Variants in FRMD5 observed in about 807,000 individuals in gnomAD.
FRMD5 encodes FERM domain containing 5, also known as FERM domain-containing protein 5.
A neutral mutation model predicts 69.0 loss-of-function variants in FRMD5; 20 were observed. The observed-to-expected ratio is 0.29, with a 90% CI of 0.20 to 0.42. The LOEUF (loss-of-function observed/expected upper bound fraction) is 0.42. Among genes scored for constraint, FRMD5 ranks in the 10% least tolerant of loss-of-function variants. The pLI, the probability that FRMD5 is intolerant of heterozygous loss-of-function variation, is 1.00. For synonymous variants in FRMD5, 271 were observed against 260.1 expected, an observed-to-expected ratio of 1.04 and a Z score of -0.40; for missense variants, 595 against 708.6, an observed-to-expected ratio of 0.84 and a Z score of 1.82.
At chr15:44,182,015 T>G (rs1394859274) in intron 1 of FRMD5, among the ~76,000 whole-genome samples, 1 of 98,514 alleles carries the variant, frequency 1.0e-5, no homozygotes, top group Non-Finnish European at 1.8e-5. Flanking sequence ...TTACATTTGC[T>G]TTTTTTTTTT....
intron 1 of FRMD5, among the ~76,000 whole-genome samples, chr15:44,013,057 C>T (rs553046233): frequency 8.5e-5 from 13 of 152,170 alleles, no homozygotes; most frequent in South Asian, 6.2e-4. Context: ...TGAGCCATTG[C>T]GCCCCGCCTA....
chr15:44,020,107 T>A (rs1211223351), intron 1 of FRMD5, among the ~76,000 whole-genome samples: 2 of 152,108 alleles, frequency 1.3e-5, no homozygotes, highest in African/African-American at 4.8e-5. Flanking sequence ...GTAAATACAT[T>A]CAGTATATGG....
chr15:44,090,706 C>G (rs1030996062), intron 1 of FRMD5, among the ~76,000 whole-genome samples: 2 of 152,154 alleles, frequency 1.3e-5, no homozygotes, highest in Non-Finnish European at 2.9e-5. Flanking sequence ...TCCCAAAGTG[C>G]TGGGATTATA....
intron 1 of FRMD5, among the ~76,000 whole-genome samples, chr15:43,969,634 A>G (rs1286270502): frequency 2.0e-5 from 3 of 152,226 alleles, no homozygotes; most frequent in Non-Finnish European, 4.4e-5. Context: ...CATACACTCA[A>G]AAAGACTGGA....
Position 43,873,126 on chromosome 15 carries a change from C to T in FRMD5, c.*759G>A. On this transcript the variant is annotated 3_prime_UTR_variant, in exon 14 of 14. Transcript: ENST00000417257. The stretch of plus-strand genomic sequence containing the variant: ...TTAAGTCTAGTTTCATTATACAAAA[C>T]TATGGTGATGCCCACTAGGCTCTAG... The T allele has an allele frequency of 6.7e-7, 1 of 1,498,670 alleles. No individual in the cohort carries two copies. Among genetic ancestry groups the T allele is most frequent in the Non-Finnish European group, 9.1e-7 (1 of 1,104,378 alleles). The allele number at this position is 1,498,670 out of a possible 1,614,324, so 92.8% of individuals were successfully genotyped here.
intron 2 of FRMD5, among the ~76,000 whole-genome samples, chr15:43,920,101 T>A (rs915842811): frequency 6.6e-6 from 1 of 152,244 alleles, no homozygotes; most frequent in Admixed American, 6.5e-5. Flanking sequence ...GTTTTTGGCA[T>A]GCGATTAAGG....
At chr15:43,950,815 GGCTGTTTA>G (rs1395924829) in intron 1 of FRMD5, among the ~76,000 whole-genome samples, 1 of 152,192 alleles carries the variant, frequency 6.6e-6, no homozygotes, top group Non-Finnish European at 1.5e-5. Flanking sequence ...CGGAGAGGCT[GGCTGTTTA>G]ACAGTTGAAT....
chr15:44,087,034 T>C (rs558001413), intron 1 of FRMD5, among the ~76,000 whole-genome samples: 5 of 152,210 alleles, frequency 3.3e-5, no homozygotes, highest in South Asian at 4.1e-4. Context: ...CCCTTACCAG[T>C]GTTTTTTTGT....
chr15:44,051,760 T>C (rs1892677211), intron 1 of FRMD5, among the ~76,000 whole-genome samples: 1 of 152,166 alleles, frequency 6.6e-6, no homozygotes, highest in African/African-American at 2.4e-5. Flanking sequence ...GTAGAATGTC[T>C]CTCAGTGGGG....
At chr15:43,934,907 T>C (rs28706414) in intron 1 of FRMD5, among the ~76,000 whole-genome samples, 16,102 of 152,166 alleles carry the variant, frequency 0.11, 1,285 homozygotes, top group East Asian at 0.23. Context: ...GGAATAAAGA[T>C]TTATTTGTAT....
Position 43,873,916 on chromosome 15 carries a change from C to G in FRMD5, c.1682G>C (p.Arg561Pro). 6.2e-7 allele frequency: 1 copy of G among 1,614,092 alleles called. No individual in the cohort carries two copies. Among genetic ancestry groups the G allele is most frequent in the Non-Finnish European group, 8.5e-7 (1 of 1,180,014 alleles). The change falls in exon 14 of 14, where the codon CGC becomes CCC. Residue 561 changes from arginine (R) to proline (P), a missense_variant. By Grantham distance (103) the Arg-to-Pro change is moderately radical. Around this residue, in one of 5 missense-constraint regions of FRMD5, gnomAD observed 245 missense variants for 227.1 expected, o/e 1.08. Transcript: ENST00000417257. ...PLRRWFACKIRSVVSLLIDT is the reference protein window; with the variant it reads ...PLRRWFACKIPSVVSLLIDT The stretch of plus-strand genomic sequence containing the variant: ...GTCAATGAGCAGGCTCACCACTGAG[C>G]GGATTTTGCAGGCAAACCATCGCCT...
At chr15:43,918,424 C>T (rs1290026248) in intron 4 of FRMD5, among the ~76,000 whole-genome samples, 5 of 152,126 alleles carry the variant, frequency 3.3e-5, no homozygotes, top group Non-Finnish European at 7.4e-5. Flanking sequence ...AACTCTGTCT[C>T]AAAAAAGAAA....
chr15:43,994,324 C>G (rs542457525), intron 1 of FRMD5, among the ~76,000 whole-genome samples: 1 of 152,282 alleles, frequency 6.6e-6, no homozygotes, highest in East Asian at 1.9e-4. Context: ...CTGGTAACAA[C>G]TTTGAATGCG....
At chr15:43,936,247 C>T (rs938217326) in intron 1 of FRMD5, among the ~76,000 whole-genome samples, 16 of 152,196 alleles carry the variant, frequency 1.1e-4, no homozygotes, top group African/African-American at 3.9e-4. Flanking sequence ...GGCTGGAGTA[C>T]AGTGGCACAA....
intron 1 of FRMD5, among the ~76,000 whole-genome samples, chr15:44,016,338 A>G (rs4923969): frequency 0.9 from 137,279 of 152,238 alleles, 62,455 homozygotes; most frequent in East Asian, 1. Context: ...GTTAATATTT[A>G]TATATACGAA....
intron 1 of FRMD5, among the ~76,000 whole-genome samples, chr15:44,108,917 T>A (rs1251975175): frequency 6.7e-6 from 1 of 148,718 alleles, no homozygotes; most frequent in Non-Finnish European, 1.5e-5. Context: ...AATATGATGG[T>A]ACCACTGCAT....
At chr15:43,989,557 C>A in intron 1 of FRMD5, 1 of 869,228 alleles carries the variant, frequency 1.2e-6, no homozygotes, top group Non-Finnish European at 2.0e-6. Flanking sequence ...TGATGTCATG[C>A]ACAATTTCCC....
chr15:44,062,494 C>G (rs1243755794), intron 1 of FRMD5, among the ~76,000 whole-genome samples: 1 of 151,978 alleles, frequency 6.6e-6, no homozygotes. Context: ...AGTTCGAAAC[C>G]AGCCTGGCCA....
intron 1 of FRMD5, among the ~76,000 whole-genome samples, chr15:43,955,953 C>T (rs2090108790): frequency 6.6e-6 from 1 of 152,028 alleles, no homozygotes; most frequent in Admixed American, 6.6e-5. Flanking sequence ...AAACATAAGG[C>T]TAAGTAACTA....
Sources: allele counts gnomAD v4.1 joint callset (sites outside exome capture counted in the v4.1 genomes callset), GRCh38; gene constraint gnomAD v4.1.1; regional missense constraint gnomAD v4.1.1; transcripts MANE v1.5; gene names NCBI Gene and HGNC (gene_info 2026-07-23, HGNC 2026-07-21).